The following STK17A variants were observed in gnomAD, a reference collection of about 807,000 sequenced individuals.
STK17A encodes the protein serine/threonine-protein kinase 17A.
STK17A carries 26 observed loss-of-function variants against 43.7 expected under a neutral mutation model. The ratio of observed to expected loss-of-function variants is 0.60; its 90% CI spans 0.44 to 0.83. The LOEUF (loss-of-function observed/expected upper bound fraction) is 0.83, where lower values mean the gene tolerates loss of function less well. Among genes scored for constraint, STK17A ranks in the 40% least tolerant of loss-of-function variants. The probability of loss-of-function intolerance (pLI) is 0.00; values close to 1 mark genes in which losing one functional copy is unlikely to be tolerated. For missense variants in STK17A, 476 were observed against 511.6 expected (o/e 0.93, Z 0.67); for synonymous variants, 191 against 182.5 (o/e 1.05, Z -0.38).
At chr7:43,603,159 A>G (rs563814135) in intron 2 of STK17A, among the ~76,000 whole-genome samples, 19 of 152,304 alleles carry the variant, frequency 1.2e-4, no homozygotes, top group African/African-American at 4.6e-4. Flanking sequence ...ATAAAAATAC[A>G]GATTTGGTGA....
At chr7:43,598,394 T>G (rs945876643) in intron 2 of STK17A, among the ~76,000 whole-genome samples, 10 of 142,600 alleles carry the variant, frequency 7.0e-5, no homozygotes, top group Admixed American at 6.1e-4. Flanking sequence ...GGCGTGAACC[T>G]GGGAGGTGGA....
chr7:43,583,623 C>T (rs1412205405), intron 1 of STK17A, among the ~76,000 whole-genome samples, 174 bp downstream of exon 1: 5 of 152,156 alleles, frequency 3.3e-5, no homozygotes, highest in Non-Finnish European at 7.3e-5. Context: ...GCAGCCGAGT[C>T]GCACCAGCGC....
rs900090193 is a variant in STK17A at position 43,590,243 on chromosome 7, A to G, written c.207-5658A>G. Among the ~76,000 whole-genome samples, 13 of 151,426 alleles carry G rather than the reference A, an allele frequency of 8.6e-5. 2 individuals are homozygous for G. The highest frequency in any genetic ancestry group is 3.9e-4 in the Admixed American group (6 of 15,208). On this transcript the variant is annotated intron_variant, in intron 1 of 6. Transcript: ENST00000319357. The stretch of plus-strand genomic sequence containing the variant: ...TTACAGGCATGAGCCACCGTGCCCA[A>G]CCAGAATTATCTTTTCTAAACAATT...
At chr7:43,594,794 C>G (rs1175045104) in intron 1 of STK17A, among the ~76,000 whole-genome samples, 1 of 150,614 alleles carries the variant, frequency 6.6e-6, no homozygotes, top group African/African-American at 2.4e-5. Flanking sequence ...GGCATGGAGG[C>G]TCATGCCTTT....
rs1407878594 is a variant in STK17A at position 43,624,902 on chromosome 7, G to T, written c.*60G>T. ...ATTGAAAATGTTAATATTATTTATG[G>T]ACCTCTGGCCAAATGGTACATGTAC... is the stretch of plus-strand genomic sequence containing the variant. On this transcript the variant is annotated 3_prime_UTR_variant, in exon 7 of 7. Transcript: ENST00000319357. 17 of 1,407,726 alleles carry T rather than the reference G, an allele frequency of 1.2e-5. No homozygotes were observed. Among genetic ancestry groups the T allele is most frequent in the Non-Finnish European group, 1.4e-5 (15 of 1,039,068 alleles). 87.2% of individuals were successfully genotyped at this position (1,407,726 alleles called of 1,614,324 possible).
chr7:43,621,814 C>CA (rs1261716632), intron 4 of STK17A, among the ~76,000 whole-genome samples: 1 of 152,088 alleles, frequency 6.6e-6, no homozygotes, highest in East Asian at 1.9e-4. Context: ...AAAAATGATT[C>CA]AAAAGTACAT....
At chr7:43,616,104 A>G (rs1034715291) in intron 3 of STK17A, among the ~76,000 whole-genome samples, 2 of 152,234 alleles carry the variant, frequency 1.3e-5, no homozygotes, top group Non-Finnish European at 2.9e-5. Flanking sequence ...TAGGCAATCA[A>G]TAAATATTTG....
intron 1 of STK17A, among the ~76,000 whole-genome samples, chr7:43,584,456 A>G (rs2082425196): frequency 1.3e-5 from 2 of 152,322 alleles, no homozygotes; most frequent in South Asian, 2.1e-4. Flanking sequence ...AGCGCATACC[A>G]CTGGGCTTGC....
In STK17A at chr7:43,608,280, C is replaced by T. The variant is rs11555026; in HGVS notation, c.444C>T (p.Asp148=). The change falls in exon 3 of 7, where the codon GAC becomes GAT. Residue 148 remains aspartate, a synonymous_variant. Transcript: ENST00000319357. The part of the protein sequence containing the change: ...LEYAAGGEIF[D]QCVADREEAF... ...GTGCTGCTGGGGGTGAAATCTTTGA[C>T]CAGTGTGTTGCAGACAGAGAAGAAG... 0.19 allele frequency: 302,263 copies of T among 1,612,572 alleles called. 31,049 individuals are homozygous for T. The highest frequency in any genetic ancestry group is 0.21 in the Non-Finnish European group (250,677 of 1,179,336).
chr7:43,617,487 C>T (rs893863999), intron 3 of STK17A, among the ~76,000 whole-genome samples: 1 of 152,000 alleles, frequency 6.6e-6, no homozygotes, highest in Admixed American at 6.6e-5. Flanking sequence ...AATGGAAGAG[C>T]GGGGAGGAAA....
chr7:43,610,569 A>AG (rs915466220), intron 3 of STK17A, among the ~76,000 whole-genome samples: 10 of 151,866 alleles, frequency 6.6e-5, no homozygotes, highest in Non-Finnish European at 1.2e-4. Flanking sequence ...CCAGAGGCTG[A>AG]GGGGGGAGAA....
chr7:43,619,566 T>C (rs2083665638), intron 3 of STK17A, 31 bp from the exon 4 acceptor site: 1 of 1,607,142 alleles, frequency 6.2e-7, no homozygotes, highest in East Asian at 2.2e-5. Flanking sequence ...CATAGTTATA[T>C]TGATTTTTGC....
At chr7:43,600,707 A>T (rs901949365) in intron 2 of STK17A, among the ~76,000 whole-genome samples, 3 of 152,132 alleles carry the variant, frequency 2.0e-5, no homozygotes, top group Non-Finnish European at 2.9e-5. Context: ...CAAAAGCCTT[A>T]AAAAAATACA....
chr7:43,591,445 T>G (rs1361399738), intron 1 of STK17A, among the ~76,000 whole-genome samples: 1 of 151,552 alleles, frequency 6.6e-6, no homozygotes, highest in East Asian at 1.9e-4. Flanking sequence ...GCAGAGACCC[T>G]CTGGTCCACA....
intron 3 of STK17A, among the ~76,000 whole-genome samples, chr7:43,614,455 TA>T (rs1244257747): frequency 6.6e-6 from 1 of 152,192 alleles, no homozygotes; most frequent in African/African-American, 2.4e-5. Context: ...AATGCTGAGG[TA>T]CTTAGCTTTG....
intron 1 of STK17A, among the ~76,000 whole-genome samples, chr7:43,583,652 C>G (rs992875816): frequency 6.6e-6 from 1 of 152,218 alleles, no homozygotes; most frequent in Non-Finnish European, 1.5e-5. Context: ...CGCGCCGCGC[C>G]CAGCAAGCGA....
At chr7:43,593,091 G>A (rs865906002) in intron 1 of STK17A, among the ~76,000 whole-genome samples, 19 of 152,164 alleles carry the variant, frequency 1.2e-4, no homozygotes, top group Admixed American at 6.5e-4. Flanking sequence ...CTCTCTTACT[G>A]TTTGGTCTGT....
chr7:43,597,940 T>A (rs1032768998), intron 2 of STK17A, among the ~76,000 whole-genome samples: 16 of 151,274 alleles, frequency 1.1e-4, no homozygotes, highest in African/African-American at 3.2e-4. Context: ...ACAAAAAAAA[T>A]TTATTTACAT....
chr7:43,621,003 A>G (rs1353573274), intron 4 of STK17A, among the ~76,000 whole-genome samples: 1 of 152,210 alleles, frequency 6.6e-6, no homozygotes, highest in East Asian at 1.9e-4. Flanking sequence ...CTCCTTTCAG[A>G]GAAGAGGGTA....
Sources: allele counts gnomAD v4.1 joint callset (sites outside exome capture counted in the v4.1 genomes callset), GRCh38; gene constraint gnomAD v4.1.1; transcripts MANE v1.5; gene names NCBI Gene and HGNC (gene_info 2026-07-23, HGNC 2026-07-21).